The following CLVS1 variants were observed in gnomAD, a reference collection of about 807,000 sequenced individuals.
CLVS1 encodes the protein clavesin 1.
Under a neutral mutation model 33.1 loss-of-function variants are expected in CLVS1, and 10 were observed. That is an observed-to-expected ratio of 0.30 (90% CI 0.19 to 0.51). The LOEUF (loss-of-function observed/expected upper bound fraction) is 0.51. Among genes scored for constraint, CLVS1 ranks in the 20% least tolerant of loss-of-function variants. CLVS1 has a pLI of 0.97. For synonymous variants in CLVS1, 163 were observed against 166.1 expected, an observed-to-expected ratio of 0.98 and a Z score of 0.14; for missense variants, 343 against 433.4, an observed-to-expected ratio of 0.79 and a Z score of 1.85.
intron 5 of CLVS1, among the ~76,000 whole-genome samples, chr8:61,466,165 G>A (rs1262936109): frequency 6.6e-6 from 1 of 152,192 alleles, no homozygotes; most frequent in Non-Finnish European, 1.5e-5. Context: ...CTTTGTATTA[G>A]TTATGATTAT....
At chr8:61,285,563 A>T (rs1809759674), upstream of CLVS1, among the ~76,000 whole-genome samples, 1 of 152,186 alleles carries the variant, frequency 6.6e-6, no homozygotes, top group Non-Finnish European at 1.5e-5. Context: ...CCTGCTTATA[A>T]GCATCTTTTA....
At chr8:61,335,644 G>A (rs1811773678) in intron 2 of CLVS1, among the ~76,000 whole-genome samples, 1 of 152,142 alleles carries the variant, frequency 6.6e-6, no homozygotes, top group African/African-American at 2.4e-5. Flanking sequence ...TAAACATCTA[G>A]TAAAAATCTA....
At chr8:61,041,574 T>G in the CLVS1 span, among the ~76,000 whole-genome samples, 5 of 152,322 alleles carry the variant, frequency 3.3e-5, no homozygotes, top group Admixed American at 2.6e-4. Context: ...GGATATTTTA[T>G]TTTTGTGTGT....
intron 2 of CLVS1, among the ~76,000 whole-genome samples, chr8:61,279,630 G>GA (rs5891797): frequency 0.64 from 96,798 of 152,012 alleles, 32,333 homozygotes; most frequent in East Asian, 0.97. Flanking sequence ...GATATCCACT[G>GA]AAGCTTTGGG....
At chr8:61,216,545 T>G (rs926847366) in intron 2 of CLVS1, among the ~76,000 whole-genome samples, 3 of 152,218 alleles carry the variant, frequency 2.0e-5, no homozygotes, top group African/African-American at 4.8e-5. Context: ...GAAGAGGGGC[T>G]TATCTGAGAG....
chr8:61,208,848 A>C (rs1361649524), intron 2 of CLVS1, among the ~76,000 whole-genome samples: 1 of 152,230 alleles, frequency 6.6e-6, no homozygotes, highest in Non-Finnish European at 1.5e-5. Context: ...GGCCTCCCAA[A>C]GCACTGGGAT....
At chr8:61,172,964 A>G (rs139100791) in intron 2 of CLVS1, among the ~76,000 whole-genome samples, 1 of 152,314 alleles carries the variant, frequency 6.6e-6, no homozygotes, top group African/African-American at 2.4e-5. Flanking sequence ...ACTAAGTTAC[A>G]TGGGTTTATC....
chr8:61,165,987 G>A (rs1175702738), intron 2 of CLVS1, among the ~76,000 whole-genome samples: 2 of 150,106 alleles, frequency 1.3e-5, no homozygotes, highest in Non-Finnish European at 3.0e-5. Context: ...AATATAGCAA[G>A]GCAAGAACGT....
At chr8:61,300,500 CATT>C in intron 2 of CLVS1, 2 of 455,226 alleles carry the variant, frequency 4.4e-6, no homozygotes, top group Non-Finnish European at 3.9e-6. Context: ...CCTTAGAAGT[CATT>C]ATTCTTTTCA....
the CLVS1 span, among the ~76,000 whole-genome samples, chr8:60,995,889 G>A: frequency 1.1e-3 from 173 of 152,166 alleles, 1 homozygote; most frequent in African/African-American, 3.7e-3. Flanking sequence ...GGAAATCATC[G>A]TTCTCAGTAA....
intron 2 of CLVS1, among the ~76,000 whole-genome samples, chr8:61,215,965 T>C (rs961655606): frequency 1.3e-5 from 2 of 152,060 alleles, no homozygotes; most frequent in Admixed American, 6.6e-5. Context: ...AACTGAGCAG[T>C]GGAAACCCAA....
intron 2 of CLVS1, among the ~76,000 whole-genome samples, chr8:61,167,478 G>A (rs886941201): frequency 1.2e-4 from 19 of 152,064 alleles, no homozygotes; most frequent in Middle Eastern, 6.8e-3. Context: ...CACCGTGCCC[G>A]GTCCAGCTTC....
chr8:61,269,224 C>T (rs1465366281), intron 2 of CLVS1, among the ~76,000 whole-genome samples: 1 of 151,700 alleles, frequency 6.6e-6, no homozygotes, highest in Non-Finnish European at 1.5e-5. Flanking sequence ...CCAGTTTCAG[C>T]TTTCCACATA....
chr8:61,298,629 G>A (rs1404800669), intron 1 of CLVS1, among the ~76,000 whole-genome samples: 2 of 152,142 alleles, frequency 1.3e-5, no homozygotes, highest in Non-Finnish European at 2.9e-5. Context: ...CTGCAGATAA[G>A]ATTGACTTAA....
intron 3 of CLVS1, among the ~76,000 whole-genome samples, chr8:61,406,907 C>A (rs545857166): frequency 5.9e-5 from 9 of 152,222 alleles, no homozygotes; most frequent in Middle Eastern, 3.4e-3. Flanking sequence ...CCGCGCCAGG[C>A]CGACATAAAA....
the CLVS1 span, chr8:60,966,661 C>A: frequency 4.3e-6 from 1 of 230,650 alleles, no homozygotes; most frequent in South Asian, 5.3e-5. Context: ...GTGGTGGGAG[C>A]TTATGCTGGA....
At chr8:61,427,327 G>A (rs1361862337) in intron 3 of CLVS1, among the ~76,000 whole-genome samples, 2 of 151,912 alleles carry the variant, frequency 1.3e-5, no homozygotes, top group African/African-American at 4.8e-5. Flanking sequence ...TTTCTCAGTG[G>A]CAGACTGAGT....
intron 2 of CLVS1, 186 bp downstream of exon 2, chr8:61,300,468 G>C: frequency 1.8e-6 from 1 of 566,834 alleles, no homozygotes; most frequent in Non-Finnish European, 3.1e-6. Flanking sequence ...CAATAGAATT[G>C]TAACATTAGA....
intron 5 of CLVS1, among the ~76,000 whole-genome samples, chr8:61,460,190 A>G (rs181876552): frequency 6.6e-6 from 1 of 152,324 alleles, no homozygotes; most frequent in African/African-American, 2.4e-5. Context: ...ACATATGAAG[A>G]GGCTTGAAAA....
Sources: gnomAD v4.1 joint callset for allele counts (sites outside exome capture counted in the v4.1 genomes callset) on GRCh38, gnomAD v4.1.1 for gene constraint, MANE v1.5 for transcripts, NCBI Gene and HGNC (gene_info 2026-07-23, HGNC 2026-07-21) for gene names.